Variants in RTF1 observed in about 807,000 individuals in gnomAD.
RTF1 encodes the protein RNA polymerase-associated protein RTF1 homolog.
Under a neutral mutation model 95.7 loss-of-function variants are expected in RTF1, and 10 were observed. The observed-to-expected ratio is 0.10, with a 90% CI of 0.06 to 0.18. RTF1 has a LOEUF of 0.18. Among genes scored for constraint, RTF1 ranks in the 10% least tolerant of loss-of-function variants. The pLI, the probability that RTF1 is intolerant of heterozygous loss-of-function variation, is 1.00. For missense variants in RTF1, 458 were observed against 875.6 expected (o/e 0.52, Z 6.02); for synonymous variants, 305 against 311.8 (o/e 0.98, Z 0.23).
At chr15:41,465,242 G>C (rs951446617) in intron 5 of RTF1, among the ~76,000 whole-genome samples, 1 of 150,608 alleles carries the variant, frequency 6.6e-6, no homozygotes, top group African/African-American at 2.4e-5. Context: ...CACTGGCACA[G>C]TCATAACACA....
In RTF1 at chr15:41,452,975, A is replaced by G; in HGVS notation, c.384A>G (p.Lys128=). 1 of 1,613,078 alleles carries G rather than the reference A, an allele frequency of 6.2e-7. No homozygotes were observed. Among genetic ancestry groups the G allele is most frequent in the Non-Finnish European group, 8.5e-7 (1 of 1,179,746 alleles). ...TAGAGAAGAAAGGAACCATGAAGAA[A>G]CAGGCCAACAAAACTGCCTCCTCAG... ...RKIEKKGTMK[K]QANKTASSGS... is the part of the protein sequence containing the mutation. The change falls in exon 3 of 18, where the codon AAA becomes AAG. Residue 128 remains lysine (K), a synonymous_variant. Coordinates refer to ENST00000389629, the MANE Select transcript of RTF1 (RefSeq NM_015138.5).
At chr15:41,463,632 C>T (rs183709748) in intron 4 of RTF1, among the ~76,000 whole-genome samples, 39 of 152,132 alleles carry the variant, frequency 2.6e-4, no homozygotes, top group African/African-American at 8.7e-4. Flanking sequence ...CAAGCATGTA[C>T]CACCATGTCC....
chr15:41,443,650 A>G (rs1025189339), intron 2 of RTF1, among the ~76,000 whole-genome samples: 8 of 151,378 alleles, frequency 5.3e-5, no homozygotes, highest in African/African-American at 1.5e-4. Flanking sequence ...CCTATAGTCC[A>G]GCAATTTGGG....
At chr15:41,434,638 TTC>T (rs1403870259) in intron 1 of RTF1, among the ~76,000 whole-genome samples, 1 of 151,664 alleles carries the variant, frequency 6.6e-6, no homozygotes, top group Non-Finnish European at 1.5e-5. Flanking sequence ...TTTTTTTTTT[TTC>T]TTTTTGAGAT....
intron 1 of RTF1, 111 bp from the exon 2 acceptor site, chr15:41,438,210 A>T: frequency 1.6e-6 from 1 of 613,862 alleles, no homozygotes; most frequent in Non-Finnish European, 2.7e-6. Context: ...AATGTCCTTT[A>T]GTTGAAAACA....
intron 2 of RTF1, among the ~76,000 whole-genome samples, chr15:41,450,596 A>AG (rs1011681993): frequency 6.6e-6 from 1 of 151,990 alleles, no homozygotes; most frequent in African/African-American, 2.4e-5. Context: ...AAAAAAAAAA[A>AG]AAAAATTATC....
Position 41,438,450 on chromosome 15 carries a change from G to A in RTF1, c.309+19G>A, listed in dbSNP as rs1048388894. The A allele has an allele frequency of 2.3e-5, 34 of 1,508,612 alleles. No homozygotes were observed. In the African/African-American group the frequency reaches 2.4e-4, roughly 10 times the overall value. 93.5% of individuals were successfully genotyped at this position (1,508,612 alleles called of 1,614,324 possible). On this transcript the variant is annotated intron_variant, in intron 2 of 17. Coordinates refer to ENST00000389629, the MANE Select transcript of RTF1 (RefSeq NM_015138.5). ...CGATGAGGTGGGTGTGGAGGGCCTC[G>A]GCTTCTGGGACCATTAGATAGTTGA...
At chr15:41,437,478 A>G (rs2050710676) in intron 1 of RTF1, among the ~76,000 whole-genome samples, 1 of 152,152 alleles carries the variant, frequency 6.6e-6, no homozygotes, top group South Asian at 2.1e-4. Flanking sequence ...CCTGGGTGAC[A>G]CAGCGAGACT....
chr15:41,467,249 A>G (rs2050885173), intron 6 of RTF1, among the ~76,000 whole-genome samples: 2 of 152,056 alleles, frequency 1.3e-5, no homozygotes, highest in South Asian at 4.2e-4. Context: ...GGGCCAGTAA[A>G]CCCCGAGCAC....
chr15:41,447,639 C>G (rs2050770254), intron 2 of RTF1, among the ~76,000 whole-genome samples: 1 of 152,194 alleles, frequency 6.6e-6, no homozygotes, highest in Admixed American at 6.5e-5. Flanking sequence ...GGGTTGCATA[C>G]ATGTACACCT....
intron 1 of RTF1, among the ~76,000 whole-genome samples, chr15:41,431,179 C>T (rs555963160): frequency 1.2e-3 from 179 of 151,226 alleles, no homozygotes; most frequent in African/African-American, 4.2e-3. Flanking sequence ...GCTGGGATTA[C>T]AGTCGTGAGC....
chr15:41,417,427 T>G, intron 1 of RTF1, 114 bp downstream of exon 1: 1 of 892,956 alleles, frequency 1.1e-6, no homozygotes. Flanking sequence ...GCTCGCCCCG[T>G]GCCCTGGGCA....
At chr15:41,469,832 C>A (rs943981844) in intron 6 of RTF1, among the ~76,000 whole-genome samples, 1 of 152,148 alleles carries the variant, frequency 6.6e-6, no homozygotes, top group East Asian at 1.9e-4. Context: ...TCCCCACGTT[C>A]CTTTTTTATA....
intron 1 of RTF1, among the ~76,000 whole-genome samples, chr15:41,420,859 G>T (rs954193615): frequency 1.3e-5 from 2 of 152,180 alleles, no homozygotes; most frequent in Non-Finnish European, 2.9e-5. Context: ...ACTCTCAGGG[G>T]ATAGAGGTCT....
intron 1 of RTF1, among the ~76,000 whole-genome samples, chr15:41,424,056 A>G (rs56938279): frequency 0.016 from 2,425 of 152,254 alleles, 77 homozygotes; most frequent in African/African-American, 0.056. Flanking sequence ...ATCCGGCCTG[A>G]TTGTTCATCG....
intron 8 of RTF1, 88 bp from the exon 9 acceptor site, chr15:41,474,532 C>T (rs1566849425): frequency 1.1e-5 from 10 of 926,128 alleles, no homozygotes; most frequent in East Asian, 4.8e-5. Flanking sequence ...CAGTTGTCTG[C>T]GTTCAGGTAG....
At position 41,438,305 on chromosome 15, in the gene RTF1, A is replaced by G. The variant is rs1443820236; in HGVS notation, c.199-16A>G. 6.5e-7 allele frequency: 1 copy of G among 1,529,696 alleles called. No homozygotes were observed. Among genetic ancestry groups the G allele is most frequent in the Non-Finnish European group, 8.9e-7 (1 of 1,128,902 alleles). 94.8% of individuals were successfully genotyped at this position (1,529,696 alleles called of 1,614,324 possible). On this transcript the variant is annotated splice_polypyrimidine_tract_variant and intron_variant, in intron 1 of 17. Coordinates refer to ENST00000389629, the MANE Select transcript of RTF1 (RefSeq NM_015138.5). ...TCTGTTGAACAAAACTGATGTGCCT[A>G]TTTTTGTCCCATTAGGAGCTCTTGT...
rs34660598 is a variant in RTF1, at chr15:41,449,227, A to ATTTTTT, written c.310-3658_310-3653dup. On this transcript the variant is annotated intron_variant, in intron 2 of 17. Transcript: ENST00000389629. ...TTGTCCCTGTTGTGGAGGCAGGTGA[A>ATTTTTT]TTTTTTTTTTTTTTTTTTTTTGAGA... Among the ~76,000 whole-genome samples the ATTTTTT allele has an allele frequency of 9.3e-3, 1,014 of 109,252 alleles. 30 individuals carry two copies. The highest frequency in any genetic ancestry group is 0.022 in the East Asian group (89 of 4,088). The allele number at this position is 109,252 out of a possible 152,430, so 71.7% of individuals were successfully genotyped here. A position where few individuals can be genotyped will look rare whatever the true frequency, so the allele number is the denominator to read the frequency against.
intron 6 of RTF1, among the ~76,000 whole-genome samples, chr15:41,468,606 C>T (rs769432945): frequency 3.7e-4 from 57 of 152,272 alleles, no homozygotes; most frequent in African/African-American, 8.9e-4. Context: ...TGTGAGCCAC[C>T]GCACCCGGCC....
Sources: gnomAD v4.1 joint callset for allele counts (sites outside exome capture counted in the v4.1 genomes callset) on GRCh38, gnomAD v4.1.1 for gene constraint, MANE v1.5 for transcripts, NCBI Gene and HGNC (gene_info 2026-07-23, HGNC 2026-07-21) for gene names.